The following KCNH6 variants were observed in gnomAD, a reference collection of about 807,000 sequenced individuals.
The protein encoded by KCNH6 is potassium voltage-gated channel subfamily H member 6.
KCNH6 carries 81 observed loss-of-function variants against 83.4 expected under a neutral mutation model. The observed-to-expected ratio is 0.97, with a 90% CI of 0.81 to 1.17. KCNH6 has a LOEUF of 1.17. Among genes scored for constraint, KCNH6 ranks in the 50% most tolerant of loss-of-function variants. KCNH6 has a pLI of 0.00. For synonymous variants in KCNH6, 503 were observed against 545.6 expected, an observed-to-expected ratio of 0.92 and a Z score of 1.09; for missense variants, 1,203 against 1,290.5, an observed-to-expected ratio of 0.93 and a Z score of 1.04.
intron 6 of KCNH6, 25 bp downstream of exon 6, chr17:63,536,093 C>T: frequency 1.2e-6 from 2 of 1,604,838 alleles, no homozygotes; most frequent in Non-Finnish European, 1.7e-6. Flanking sequence ...ATGCCACGGC[C>T]TAACTTCATG....
chr17:63,533,782 C>A lies in KCNH6; in HGVS notation c.676-104C>A. The A allele has an allele frequency of 9.1e-7, 1 of 1,093,888 alleles. No individual in the cohort carries two copies. 67.8% of individuals were successfully genotyped at this position (1,093,888 alleles called of 1,614,324 possible). On this transcript the variant is annotated intron_variant, in intron 4 of 12. Coordinates refer to ENST00000314672, the MANE Select transcript of KCNH6 (RefSeq NM_001278919.2). This position sits in a 1 kb window ranked among gnomAD's most constrained non-coding sequence, Gnocchi z 4.1. Reference sequence around the variant, plus strand: ...CCCCTCTGCCCACCAGAGCCGTGGTCACCCACCCTCTCCCACTACACCTTC... The same window carrying A: ...CCCCTCTGCCCACCAGAGCCGTGGTAACCCACCCTCTCCCACTACACCTTC...
rs746831444 is a variant in KCNH6, at chr17:63,524,250, C to T, written c.188C>T (p.Pro63Leu). 2.5e-6 allele frequency: 4 copies of T among 1,614,112 alleles called. No homozygotes were observed. Among genetic ancestry groups the T allele is most frequent in the Non-Finnish European group, 2.5e-6 (3 of 1,180,012 alleles). The change falls in exon 2 of 13, where the codon CCC becomes CTC. Residue 63 changes from proline to leucine, a missense_variant. Transcript: ENST00000314672. ...TCCCGAGTGGAGGTGATGCAGCAAC[C>T]CTGCACCTGCGACTTCCTCACAGGC... ...GYSRVEVMQQPCTCDFLTGPN... is the reference protein window; with the variant it reads ...GYSRVEVMQQLCTCDFLTGPN...
chr17:63,543,724 A>C (rs1202235789), intron 10 of KCNH6, 64 bp downstream of exon 10: 10 of 903,144 alleles, frequency 1.1e-5, no homozygotes, highest in Non-Finnish European at 1.6e-5. Flanking sequence ...TACCCCTCCC[A>C]TGTCCTCTCC....
At position 63,545,194 on chromosome 17, in the gene KCNH6, T is replaced by C. The variant is rs774785318; in HGVS notation, c.2513T>C (p.Leu838Ser). Residue 838 changes from leucine to serine, a missense_variant, in exon 12 of 13, where the codon TTG (leucine) becomes TCG (serine). Leu to Ser is a moderately radical substitution (Grantham distance 145). Transcript: ENST00000314672. ...LEAPASNDLA[L>S]VPIASETTSP... ...GCCCCTGCCTCCAATGACCTGGCCT[T>C]GGTTCCTATAGCCTCGGAGACGACG... 2.2e-5 allele frequency: 36 copies of C among 1,613,702 alleles called. No individual in the cohort carries two copies. Among genetic ancestry groups the C allele is most frequent in the Non-Finnish European group, 3.1e-5 (36 of 1,180,036 alleles).
Position 63,538,727 on chromosome 17 carries a change from T to C in KCNH6, c.1954+65T>C. On this transcript the variant is annotated intron_variant, in intron 8 of 12. Transcript: ENST00000314672. The surrounding 1 kb of genome is among the most constrained non-coding windows in gnomAD (Gnocchi z 4.0). ...GGATGGAAGAGGGCGGGATTGGAGA[T>C]GCCCTGCCCAGGCCACCCTCTTCCT... 1 of 1,468,102 alleles carries C rather than the reference T, an allele frequency of 6.8e-7. No homozygotes were observed. The highest frequency in any genetic ancestry group is 1.4e-5 in the South Asian group (1 of 73,670). 90.9% of individuals were successfully genotyped at this position (1,468,102 alleles called of 1,614,324 possible).
Position 63,524,126 on chromosome 17 carries a change from C to T in KCNH6, c.77-13C>T, listed in dbSNP as rs2031530828. The T allele has an allele frequency of 6.2e-7, 1 of 1,603,820 alleles. No homozygotes were observed. The highest frequency in any genetic ancestry group is 1.3e-5 in the African/African-American group (1 of 74,744). ...GCTCCCATGGACTTTTTGCCTCCCA[C>T]CTCCCACCCCAGGTCGGAAGTTCCT... On this transcript the variant is annotated splice_polypyrimidine_tract_variant and intron_variant, in intron 1 of 12. Transcript: ENST00000314672.
Position 63,542,311 on chromosome 17 carries a change from G to A in KCNH6, c.2025G>A (p.Arg675=), listed in dbSNP as rs370740991. ...CAGGCAAGTCCAGTGCAGACGTGCG[G>A]GCTCTGACCTACTGCGACCTGCACA... ...AQPGKSSADV[R]ALTYCDLHKI... The change falls in exon 9 of 13, where the codon CGG becomes CGA. Residue 675 remains arginine (R), a synonymous_variant. Transcript: ENST00000314672. The A allele has an allele frequency of 6.2e-7, 1 of 1,614,180 alleles. No individual in the cohort carries two copies. The highest frequency in any genetic ancestry group is 8.5e-7 in the Non-Finnish European group (1 of 1,180,042).
At position 63,535,523 on chromosome 17, in the gene KCNH6, C is replaced by A; in HGVS notation, c.1102-146C>A. 1.4e-6 allele frequency: 1 copy of A among 719,028 alleles called. No individual in the cohort carries two copies. The allele number at this position is 719,028 out of a possible 1,614,324, so 44.5% of individuals were successfully genotyped here. ...CCTCAATGTCCCATACTGTGCCACA[C>A]TGCCAAGTGCGTGGCCCGGAGGAAG... On this transcript the variant is annotated intron_variant, in intron 5 of 12. Transcript: ENST00000314672. The surrounding 1 kb of genome is among the most constrained non-coding windows in gnomAD (Gnocchi z 4.9).
In KCNH6 at chr17:63,538,486, C is replaced by A; in HGVS notation, c.1778C>A (p.Pro593Gln). The A allele has an allele frequency of 6.2e-7, 1 of 1,603,716 alleles. No individual in the cohort carries two copies. Among genetic ancestry groups the A allele is most frequent in the Non-Finnish European group, 8.5e-7 (1 of 1,175,792 alleles). ...CACCGCGCACTGCTGCAGCACTGCC[C>A]AGCTTTCAGCGGCGCCGGCAAGGGC... ...HLHRALLQHCPAFSGAGKGCL... is the reference protein window; with the variant it reads ...HLHRALLQHCQAFSGAGKGCL... Residue 593 changes from proline to glutamine, a missense_variant, in exon 8 of 13, where the codon CCA becomes CAA. By Grantham distance (76) the Pro-to-Gln change is moderately conservative (BLOSUM62 -1). Transcript: ENST00000314672. This position sits in a 1 kb window ranked among gnomAD's most constrained non-coding sequence, Gnocchi z 4.0.
Position 63,532,258 on chromosome 17 carries a change from T to C in KCNH6, c.676-1628T>C, listed in dbSNP as rs538254997. Among the ~76,000 whole-genome samples, 5 of 152,334 alleles carry C rather than the reference T, an allele frequency of 3.3e-5. No homozygotes were observed. The South Asian group carries it at 1.0e-3, about 32-fold the overall frequency. ...CCTAGGGAAGGGCCTTGTTTCACCCTAGCAGGGTCCTAGCAGCCCTCAGGA... is the reference window on the plus strand; with the variant it reads ...CCTAGGGAAGGGCCTTGTTTCACCCCAGCAGGGTCCTAGCAGCCCTCAGGA... On this transcript the variant is annotated intron_variant, in intron 4 of 12. Transcript: ENST00000314672.
At chr17:63,530,794 A>G (rs530944006) in intron 4 of KCNH6, among the ~76,000 whole-genome samples, 1 of 152,324 alleles carries the variant, frequency 6.6e-6, no homozygotes, top group South Asian at 2.1e-4. Flanking sequence ...GGGCCTGTGA[A>G]TGATGCCACC....
intron 2 of KCNH6, among the ~76,000 whole-genome samples, chr17:63,525,916 G>C (rs2031680181): frequency 6.6e-6 from 1 of 152,200 alleles, no homozygotes; most frequent in African/African-American, 2.4e-5. Context: ...AGGAAATGGG[G>C]GTTACAGCAG....
intron 4 of KCNH6, among the ~76,000 whole-genome samples, 189 bp downstream of exon 4, chr17:63,530,731 A>T (rs2147650817): frequency 6.6e-6 from 1 of 152,300 alleles, no homozygotes; most frequent in South Asian, 2.1e-4. Flanking sequence ...GCCTGCCCTG[A>T]GGTCACAGCC....
At chr17:63,539,090 G>A (rs2032713739) in intron 8 of KCNH6, among the ~76,000 whole-genome samples, 1 of 152,180 alleles carries the variant, frequency 6.6e-6, no homozygotes, top group African/African-American at 2.4e-5. Context: ...CACTTTGGAG[G>A]AAGGACATGA....
In KCNH6 at chr17:63,546,064, C is replaced by A; in HGVS notation, c.*162C>A. The A allele has an allele frequency of 3.3e-6, 2 of 611,706 alleles. No individual in the cohort carries two copies. The highest frequency in any genetic ancestry group is 2.3e-5 in the South Asian group (1 of 44,034). The allele number at this position is 611,706 out of a possible 1,614,324, so 37.9% of individuals were successfully genotyped here. The stretch of plus-strand genomic sequence containing the variant: ...CCTGGCTAACACGGTGAAACCCCAC[C>A]TCTACTAAAATTAAAAAAGAAAAAA... On this transcript the variant is annotated 3_prime_UTR_variant, in exon 13 of 13. Coordinates refer to ENST00000314672, the MANE Select transcript of KCNH6 (RefSeq NM_001278919.2).
chr17:63,538,466 CGCACTGCTGCA>C lies in KCNH6; in HGVS notation c.1766_1776del (p.Leu589ProfsTer63). 6.2e-7 allele frequency: 1 copy of C among 1,604,346 alleles called. No individual in the cohort carries two copies. ...CTGACATCTGCCTGCACCTGCACCG[CGCACTGCTGCA>C]GCACTGCCCAGCTTTCAGCGGCGCC... On this transcript the variant is annotated frameshift_variant, in exon 8 of 13. Transcript: ENST00000314672. LOFTEE classifies it high-confidence loss of function. This position sits in a 1 kb window ranked among gnomAD's most constrained non-coding sequence, Gnocchi z 4.0.
intron 8 of KCNH6, among the ~76,000 whole-genome samples, chr17:63,539,824 C>A (rs1331818661): frequency 6.6e-6 from 1 of 152,310 alleles, no homozygotes; most frequent in East Asian, 1.9e-4. Context: ...CTGTCTTCCA[C>A]CTTCTGCCAG....
Position 63,546,023 on chromosome 17 carries a change from G to T in KCNH6, c.*121G>T. The T allele has an allele frequency of 1.2e-6, 1 of 860,734 alleles. No homozygotes were observed. The highest frequency in any genetic ancestry group is 2.6e-5 in the East Asian group (1 of 38,292). 53.3% of individuals were successfully genotyped at this position (860,734 alleles called of 1,614,324 possible). A position where few individuals can be genotyped will look rare whatever the true frequency, so the allele number is the denominator to read the frequency against. On this transcript the variant is annotated 3_prime_UTR_variant, in exon 13 of 13. Transcript: ENST00000314672. ...TCCCAGCACTTTGGGAGGCCGAGGC[G>T]GGCGGATCAGACCATCCTGGCTAAC... is the stretch of plus-strand genomic sequence containing the variant.
intron 4 of KCNH6, among the ~76,000 whole-genome samples, chr17:63,531,198 G>C (rs1236162141): frequency 2.0e-5 from 3 of 152,230 alleles, no homozygotes; most frequent in Non-Finnish European, 4.4e-5. Context: ...CATGAGGCCG[G>C]AAGCCCTGAC....
Sources: gnomAD v4.1 joint callset for allele counts (sites outside exome capture counted in the v4.1 genomes callset) on GRCh38, gnomAD v4.1.1 for gene constraint, Gnocchi (gnomAD v3.1) non-coding constraint, MANE v1.5 for transcripts, NCBI Gene and HGNC (gene_info 2026-07-23, HGNC 2026-07-21) for gene names.